Variants in TBC1D21 observed in about 807,000 individuals in gnomAD.
TBC1D21 encodes the protein male germ cell Rab GTPase-activating protein.
In TBC1D21, 38 loss-of-function variants were observed where a neutral mutation model predicts 46.0. That is an observed-to-expected ratio of 0.83 (90% CI 0.64 to 1.08). The LOEUF is 1.08. Among genes scored for constraint, TBC1D21 ranks in the 50% least tolerant of loss-of-function variants. The pLI is 0.00. For missense variants in TBC1D21, 415 were observed against 417.9 expected (o/e 0.99, Z 0.06); for synonymous variants, 151 against 157.2 (o/e 0.96, Z 0.29).
chr15:73,889,460 C>G (rs2068318479), downstream of TBC1D21, among the ~76,000 whole-genome samples: 1 of 152,156 alleles, frequency 6.6e-6, no homozygotes. Flanking sequence ...GCTTCCAGAC[C>G]CCTGTGGAGG....
At chr15:73,894,073 C>T (rs1454169586), downstream of TBC1D21, among the ~76,000 whole-genome samples, 1 of 152,244 alleles carries the variant, frequency 6.6e-6, no homozygotes, top group African/African-American at 2.4e-5. Flanking sequence ...CCTCTCATTA[C>T]CAGCGAGGAA....
At chr15:73,883,253 G>A (rs1049437174) in intron 3 of TBC1D21, among the ~76,000 whole-genome samples, 7 of 152,236 alleles carry the variant, frequency 4.6e-5, no homozygotes, top group Admixed American at 6.5e-5. Flanking sequence ...CTGGGCTAGG[G>A]AGCTCAGAGA....
At chr15:73,901,354 T>C in the TBC1D21 span, among the ~76,000 whole-genome samples, 10 of 152,180 alleles carry the variant, frequency 6.6e-5, no homozygotes, top group Non-Finnish European at 1.3e-4. Context: ...CCCTGGAGCT[T>C]CCCAGGGAAT....
At chr15:73,876,416 AT>A (rs1329632623) in intron 1 of TBC1D21, among the ~76,000 whole-genome samples, 20 of 83,210 alleles carry the variant, frequency 2.4e-4, no homozygotes, top group Admixed American at 9.9e-4. Context: ...TTTTTTTTGT[AT>A]TTTTTTTAGT....
At chr15:73,905,051 A>G in the TBC1D21 span, among the ~76,000 whole-genome samples, 1 of 152,346 alleles carries the variant, frequency 6.6e-6, no homozygotes, top group East Asian at 1.9e-4. Flanking sequence ...GAGGGGGCCC[A>G]GGAGGGTGCA....
At position 73,887,270 on chromosome 15, in the gene TBC1D21, T is replaced by G. The variant is rs193034256; in HGVS notation, c.778-350T>G. Among the ~76,000 whole-genome samples, 54 of 152,302 alleles carry G rather than the reference T, an allele frequency of 3.5e-4. No individual in the cohort carries two copies. The East Asian group carries it at 8.9e-3, about 25-fold the overall frequency. The stretch of plus-strand genomic sequence containing the variant: ...TTGGTGACATCCTTGGGTCATTTAA[T>G]TCCCATCAACCCTTGCTTGCCAAAA... On this transcript the variant is annotated intron_variant, in intron 8 of 10. Coordinates refer to ENST00000300504, the MANE Select transcript of TBC1D21 (RefSeq NM_153356.3).
In TBC1D21 at chr15:73,881,524, C is replaced by T. The variant is rs1360810249; in HGVS notation, c.168+18C>T. 4 of 1,612,116 alleles carry T rather than the reference C, an allele frequency of 2.5e-6. No homozygotes were observed. The highest frequency in any genetic ancestry group is 3.4e-6 in the Non-Finnish European group (4 of 1,178,374). On this transcript the variant is annotated intron_variant, in intron 2 of 10. Coordinates refer to ENST00000300504, the MANE Select transcript of TBC1D21 (RefSeq NM_153356.3). Reference sequence around the variant, plus strand: ...TGGAAAGGGTGGGTCCCCAAGCTACCCTTGGCCTTGCCCTGGAACTGGGAG... The same window carrying T: ...TGGAAAGGGTGGGTCCCCAAGCTACTCTTGGCCTTGCCCTGGAACTGGGAG...
the TBC1D21 span, among the ~76,000 whole-genome samples, chr15:73,908,967 T>C: frequency 6.6e-6 from 1 of 152,226 alleles, no homozygotes; most frequent in South Asian, 2.1e-4. Flanking sequence ...GCAGAGTGCC[T>C]GCACTGCCTC....
At chr15:73,887,387 T>G (rs187643922) in intron 8 of TBC1D21, among the ~76,000 whole-genome samples, 133 of 152,068 alleles carry the variant, frequency 8.7e-4, no homozygotes, top group Non-Finnish European at 1.5e-3. Flanking sequence ...GAAGCCTCTA[T>G]CTCTGAAACC....
chr15:73,885,858 G>A (rs951359997), intron 6 of TBC1D21, among the ~76,000 whole-genome samples: 7 of 151,444 alleles, frequency 4.6e-5, no homozygotes, highest in African/African-American at 1.7e-4. Flanking sequence ...GCCACCCAGA[G>A]GCGTACAACA....
At chr15:73,874,151 C>T (rs998641049) in intron 1 of TBC1D21, among the ~76,000 whole-genome samples, 1 of 152,320 alleles carries the variant, frequency 6.6e-6, no homozygotes, top group East Asian at 1.9e-4. Context: ...TTACAAGATA[C>T]AGCTATTTGT....
chr15:73,907,210 C>A, the TBC1D21 span, among the ~76,000 whole-genome samples: 1 of 152,136 alleles, frequency 6.6e-6, no homozygotes, highest in African/African-American at 2.4e-5. Context: ...GAGCAAGCAG[C>A]TAAATATAGT....
At chr15:73,877,181 A>T (rs1165611262) in intron 1 of TBC1D21, among the ~76,000 whole-genome samples, 1 of 152,242 alleles carries the variant, frequency 6.6e-6, no homozygotes, top group Non-Finnish European at 1.5e-5. Context: ...ACAGCTAATA[A>T]GAGAATGAAA....
At chr15:73,889,530 G>T (rs1311787374), downstream of TBC1D21, among the ~76,000 whole-genome samples, 2 of 152,256 alleles carry the variant, frequency 1.3e-5, no homozygotes, top group East Asian at 3.8e-4. Flanking sequence ...TGAGAGGAAG[G>T]CTGGTCCTGG....
chr15:73,882,066 T>C (rs1227278388), intron 3 of TBC1D21, among the ~76,000 whole-genome samples: 1 of 151,990 alleles, frequency 6.6e-6, no homozygotes, highest in African/African-American at 2.4e-5. Context: ...GAACAGAGTC[T>C]GCCACCCTCT....
chr15:73,897,867 G>A, the TBC1D21 span, among the ~76,000 whole-genome samples: 1 of 152,190 alleles, frequency 6.6e-6, no homozygotes, highest in Non-Finnish European at 1.5e-5. Flanking sequence ...GGGTTTCCCC[G>A]GAAGCATTTC....
At chr15:73,883,070 G>A (rs781693642) in intron 3 of TBC1D21, among the ~76,000 whole-genome samples, 10 of 152,238 alleles carry the variant, frequency 6.6e-5, no homozygotes, top group Non-Finnish European at 1.0e-4. Context: ...TCAGAGGAAC[G>A]GACTCCTTTG....
chr15:73,891,958 C>T (rs1398780491), downstream of TBC1D21, among the ~76,000 whole-genome samples: 2 of 152,208 alleles, frequency 1.3e-5, no homozygotes, highest in Non-Finnish European at 2.9e-5. Flanking sequence ...AGGGGCAGAT[C>T]CTGGTGAACC....
At chr15:73,879,415 A>C in intron 1 of TBC1D21, among the ~76,000 whole-genome samples, 1 of 151,862 alleles carries the variant, frequency 6.6e-6, no homozygotes, top group African/African-American at 2.4e-5. Flanking sequence ...ATGGGGTTTT[A>C]TCATGTTGGC....
Sources: gnomAD v4.1 joint callset for allele counts (sites outside exome capture counted in the v4.1 genomes callset) on GRCh38, gnomAD v4.1.1 for gene constraint, MANE v1.5 for transcripts, NCBI Gene and HGNC (gene_info 2026-07-23, HGNC 2026-07-21) for gene names.